The following SLC25A28 variants were observed in gnomAD, a reference collection of about 807,000 sequenced individuals.
SLC25A28 encodes mitoferrin-2.
Under a neutral mutation model 31.9 loss-of-function variants are expected in SLC25A28, and 10 were observed. The ratio of observed to expected loss-of-function variants is 0.31; its 90% confidence interval spans 0.19 to 0.53. SLC25A28 has a LOEUF of 0.53. Ranked by LOEUF, SLC25A28 falls within the 20% of genes least tolerant of loss-of-function variation. The probability of loss-of-function intolerance (pLI) is 0.95; values close to 1 mark genes in which losing one functional copy is unlikely to be tolerated. For synonymous variants in SLC25A28, 208 were observed against 203.6 expected, an observed-to-expected ratio of 1.02 and a Z score of -0.19; for missense variants, 256 against 490.3, an observed-to-expected ratio of 0.52 and a Z score of 4.51.
Position 99,613,401 on chromosome 10 carries a change from G to A in SLC25A28, c.520+295C>T. On this transcript the variant is annotated intron_variant, in intron 2 of 3. Coordinates refer to ENST00000370495, the MANE Select transcript of SLC25A28 (RefSeq NM_031212.4). This position sits in a 1 kb window ranked among gnomAD's most constrained non-coding sequence, Gnocchi z 4.9. ...AAACATAGACTGGGGGTAGTTCAGT[G>A]TGTCTCCACATTACCAGGGCATTAG... 7.0e-6 allele frequency: 9 copies of A among 1,288,078 alleles called. No homozygotes were observed. The highest frequency in any genetic ancestry group is 8.9e-6 in the Non-Finnish European group (9 of 1,008,416). The allele number at this position is 1,288,078 out of a possible 1,614,324, so 79.8% of individuals were successfully genotyped here.
At chr10:99,624,696 G>A (rs552505608), upstream of SLC25A28, among the ~76,000 whole-genome samples, 11 of 152,182 alleles carry the variant, frequency 7.2e-5, no homozygotes, top group South Asian at 1.2e-3. Context: ...TTAGCCAGGC[G>A]TGGTGGCGTG....
chr10:99,659,234 A>G, the SLC25A28 span, among the ~76,000 whole-genome samples: 1 of 152,188 alleles, frequency 6.6e-6, no homozygotes, highest in Non-Finnish European at 1.5e-5. The surrounding 1 kb of genome is among the most constrained non-coding windows in gnomAD (Gnocchi z 4.1). Flanking sequence ...AGGGCCGCCC[A>G]GCGCCACTCA....
chr10:99,620,854 T>G, upstream of SLC25A28: 1 of 985,480 alleles, frequency 1.0e-6, no homozygotes, highest in South Asian at 4.7e-5. Context: ...CACTAGCGCC[T>G]GCAGAGCTGC....
chr10:99,653,236 C>T, the SLC25A28 span, among the ~76,000 whole-genome samples: 2 of 152,156 alleles, frequency 1.3e-5, no homozygotes, highest in African/African-American at 4.8e-5. Flanking sequence ...AAAGTTTCTA[C>T]CTGGCTCGTT....
intron 1 of SLC25A28, chr10:99,617,467 A>T: frequency 1.0e-6 from 1 of 984,842 alleles, no homozygotes; most frequent in Non-Finnish European, 1.2e-6. Flanking sequence ...AACAACATGG[A>T]TATCTGCCTC....
the SLC25A28 span, among the ~76,000 whole-genome samples, chr10:99,643,461 T>G: frequency 6.6e-6 from 1 of 152,114 alleles, no homozygotes; most frequent in Non-Finnish European, 1.5e-5. Context: ...CTCTCTTTTC[T>G]TCTTTATTAG....
chr10:99,614,007 T>C, intron 1 of SLC25A28, 83 bp from the exon 2 acceptor site: 1 of 1,441,760 alleles, frequency 6.9e-7, no homozygotes, highest in Non-Finnish European at 9.2e-7. Context: ...ACCTTCTACA[T>C]GGAGCTGTGC....
chr10:99,614,106 C>A (rs753542487), intron 1 of SLC25A28, among the ~76,000 whole-genome samples, 182 bp from the exon 2 acceptor site: 3 of 152,184 alleles, frequency 2.0e-5, no homozygotes, highest in Non-Finnish European at 4.4e-5. Context: ...TTTTTCTAGT[C>A]ATCTATGACC....
chr10:99,633,603 A>C, the SLC25A28 span, among the ~76,000 whole-genome samples: 1 of 149,790 alleles, frequency 6.7e-6, no homozygotes, highest in Non-Finnish European at 1.5e-5. Flanking sequence ...AAGCTGAGGC[A>C]GGAGAATGAA....
intron 1 of SLC25A28, chr10:99,619,212 T>A (rs2034728039): frequency 8.1e-6 from 8 of 985,442 alleles, no homozygotes; most frequent in Non-Finnish European, 9.6e-6. Context: ...TGTCCTCTTG[T>A]TGATCTCTTT....
At chr10:99,620,603 A>C, upstream of SLC25A28, 1 of 1,005,124 alleles carries the variant, frequency 9.9e-7, no homozygotes, top group Non-Finnish European at 1.2e-6. Context: ...TAGCGCCTAC[A>C]TCCCACCTTT....
chr10:99,650,098 C>T, the SLC25A28 span, among the ~76,000 whole-genome samples: 1,299 of 152,252 alleles, frequency 8.5e-3, 18 homozygotes, highest in African/African-American at 0.03. Flanking sequence ...CTTAGGATTG[C>T]TTTTGCTGTA....
At chr10:99,624,146 T>TTTC (rs10625117), upstream of SLC25A28, among the ~76,000 whole-genome samples, 124,805 of 147,508 alleles carry the variant, frequency 0.85, 53,005 homozygotes, top group Middle Eastern at 0.91. Flanking sequence ...GTCTTCTCTT[T>TTTC]TTCTTTCTTT....
chr10:99,634,952 A>G, the SLC25A28 span, among the ~76,000 whole-genome samples: 1 of 152,352 alleles, frequency 6.6e-6, no homozygotes, highest in East Asian at 1.9e-4. Context: ...ATTTCTCAAC[A>G]GAAACCCTAC....
the SLC25A28 span, among the ~76,000 whole-genome samples, chr10:99,646,262 G>T: frequency 2.0e-5 from 3 of 152,290 alleles, no homozygotes. Context: ...AGCAATGGCG[G>T]ACGCCCCTCC....
At chr10:99,615,682 A>G in intron 1 of SLC25A28, 1 of 985,440 alleles carries the variant, frequency 1.0e-6, no homozygotes, top group Non-Finnish European at 1.2e-6. Context: ...TTCACATCAC[A>G]CAAGGCATAT....
the SLC25A28 span, among the ~76,000 whole-genome samples, chr10:99,626,786 T>G: frequency 6.6e-6 from 1 of 152,074 alleles, no homozygotes; most frequent in Non-Finnish European, 1.5e-5. Flanking sequence ...AGCAGTGTTT[T>G]TTTTTTTTTA....
the SLC25A28 span, among the ~76,000 whole-genome samples, chr10:99,658,778 G>C: frequency 6.6e-6 from 1 of 152,286 alleles, no homozygotes; most frequent in Non-Finnish European, 1.5e-5. Context: ...CGTCCTCCTG[G>C]AAATGAGATA....
At chr10:99,624,572 T>C (rs990083039), upstream of SLC25A28, among the ~76,000 whole-genome samples, 4 of 152,314 alleles carry the variant, frequency 2.6e-5, no homozygotes, top group African/African-American at 9.6e-5. Flanking sequence ...CGGTGGCTCA[T>C]GCTTGTAATC....
Sources: gnomAD v4.1 joint callset for allele counts (sites outside exome capture counted in the v4.1 genomes callset) on GRCh38, gnomAD v4.1.1 for gene constraint, Gnocchi (gnomAD v3.1) non-coding constraint, MANE v1.5 for transcripts, NCBI Gene and HGNC (gene_info 2026-07-23, HGNC 2026-07-21) for gene names.